ITGA6: variants seen among roughly 807,000 people sequenced by gnomAD.
ITGA6 encodes integrin alpha-6.
A neutral mutation model predicts 133.6 loss-of-function variants in ITGA6; 63 were observed. That is an observed-to-expected ratio of 0.47 (90% CI 0.38 to 0.58). The LOEUF (loss-of-function observed/expected upper bound fraction) is 0.58. Ranked by LOEUF, ITGA6 falls within the 20% of genes least tolerant of loss-of-function variation. The probability of loss-of-function intolerance (pLI) is 0.00; values close to 1 mark genes in which losing one functional copy is unlikely to be tolerated. For missense variants in ITGA6, 1,068 were observed against 1,309.4 expected, an observed-to-expected ratio of 0.82 and a Z score of 2.85; for synonymous variants, 434 against 482.0, an observed-to-expected ratio of 0.90 and a Z score of 1.30.
In ITGA6 at chr2:172,506,078, G is replaced by A. The variant is rs1317788275; in HGVS notation, c.*2010G>A. ...AAATGTCATCTCAAGTCAAGTCACT[G>A]GTCTGTTTGCATTTGATACATTTTT... On this transcript the variant is annotated 3_prime_UTR_variant, in exon 26 of 26. Transcript: ENST00000684293. 1 of 152,534 alleles carries A rather than the reference G, an allele frequency of 6.6e-6. No homozygotes were observed. Among genetic ancestry groups the A allele is most frequent in the Admixed American group, 6.5e-5 (1 of 15,272 alleles). The allele number at this position is 152,534 out of a possible 1,614,324, so 9.4% of individuals were successfully genotyped here.
intron 2 of ITGA6, among the ~76,000 whole-genome samples, chr2:172,467,078 C>T (rs1346145661): frequency 3.9e-5 from 6 of 152,026 alleles, no homozygotes; most frequent in Non-Finnish European, 2.9e-5. Flanking sequence ...TAGAGAAGTA[C>T]CCATTTTTTT....
chr2:172,468,535 T>C (rs1465911145), intron 3 of ITGA6, among the ~76,000 whole-genome samples: 1 of 152,258 alleles, frequency 6.6e-6, no homozygotes, highest in Non-Finnish European at 1.5e-5. Flanking sequence ...ATAGAGATTA[T>C]TTCTGTCTCT....
chr2:172,452,470 C>T (rs1295485424), intron 1 of ITGA6, among the ~76,000 whole-genome samples: 2 of 152,122 alleles, frequency 1.3e-5, no homozygotes, highest in Non-Finnish European at 2.9e-5. Flanking sequence ...GGGCTGGGCA[C>T]GTGCTTTTTG....
rs184641969 is a variant in ITGA6, at chr2:172,471,320, G to C, written c.775+215G>C. On this transcript the variant is annotated intron_variant, in intron 5 of 25. Transcript: ENST00000684293. The stretch of plus-strand genomic sequence containing the variant: ...CCTTCTGACTGGGGCTCCCTCAAAG[G>C]GGGAAGAAACCTCTTATCACCTAAA... Among the ~76,000 whole-genome samples, 128 of 152,284 alleles carry C rather than the reference G, an allele frequency of 8.4e-4. 1 individual carries two copies. The highest frequency in any genetic ancestry group is 2.8e-3 in the African/African-American group (118 of 41,546).
At chr2:172,440,095 T>C (rs1684479350) in intron 1 of ITGA6, among the ~76,000 whole-genome samples, 1 of 152,146 alleles carries the variant, frequency 6.6e-6, no homozygotes, top group Non-Finnish European at 1.5e-5. Context: ...GTGTGGGTGT[T>C]TGCAAATAAG....
Position 172,504,346 on chromosome 2 carries a change from G to A in ITGA6, c.*278G>A. 4.2e-6 allele frequency: 4 copies of A among 957,584 alleles called. No homozygotes were observed. In the African/African-American group the frequency reaches 5.0e-5, roughly 12 times the overall value. The allele number at this position is 957,584 out of a possible 1,614,324, so 59.3% of individuals were successfully genotyped here. On this transcript the variant is annotated 3_prime_UTR_variant, in exon 26 of 26. Coordinates refer to ENST00000684293, the MANE Select transcript of ITGA6 (RefSeq NM_000210.4). ...ATTTAAAAGCCTGCTCAATCCCTGA[G>A]GACTGATTTCAGAGTGACTACACAC...
rs1032065669 is a variant in ITGA6, at chr2:172,469,142, T to C, written c.405T>C (p.Tyr135=). The change falls in exon 4 of 26, where the codon TAT becomes TAC. Residue 135 remains tyrosine, a synonymous_variant. Transcript: ENST00000684293. ...GGKVVTCAHR[Y]EKRQHVNTKQ... Reference sequence around the variant, plus strand: ...GCTTGCAGACATGTGCTCACCGATATGAAAAAAGGCAGCATGTTAATACGA... The same window carrying C: ...GCTTGCAGACATGTGCTCACCGATACGAAAAAAGGCAGCATGTTAATACGA... The C allele has an allele frequency of 6.8e-6, 11 of 1,614,026 alleles. No individual in the cohort carries two copies. The Admixed American group carries it at 8.3e-5, about 12-fold the overall frequency.
Position 172,476,443 on chromosome 2 carries a change from A to G in ITGA6, c.1318A>G (p.Met440Val), listed in dbSNP as rs1686178570. 2.5e-6 allele frequency: 4 copies of G among 1,613,130 alleles called. No homozygotes were observed. The highest frequency in any genetic ancestry group is 1.1e-5 in the South Asian group (1 of 91,070). ...PYFGYSIAGNMDLDRNSYPDV... is the reference protein window; with the variant it reads ...PYFGYSIAGNVDLDRNSYPDV... ...TTTTGGATATTCAATTGCTGGAAAC[A>G]TGGACCTTGATCGAAATTCCTACCC... Residue 440 changes from methionine (M) to valine (V), a missense_variant, in exon 9 of 26, where the codon ATG becomes GTG. Transcript: ENST00000684293.
At chr2:172,460,087 A>C (rs1440519477) in intron 1 of ITGA6, among the ~76,000 whole-genome samples, 1 of 152,350 alleles carries the variant, frequency 6.6e-6, no homozygotes, top group Admixed American at 6.5e-5. Flanking sequence ...TTTGACCTTA[A>C]TGCTAGGAAC....
At chr2:172,500,462 C>T (rs920133051) in intron 24 of ITGA6, among the ~76,000 whole-genome samples, 4 of 152,134 alleles carry the variant, frequency 2.6e-5, no homozygotes, top group African/African-American at 9.7e-5. Flanking sequence ...AACCCCGCGT[C>T]TACTAAATAT....
In ITGA6 at chr2:172,469,399, T is replaced by C. The variant is rs1478120760; in HGVS notation, c.643+19T>C. On this transcript the variant is annotated intron_variant, in intron 4 of 25. Transcript: ENST00000684293. ...TGGAAAGGTATGACCTTTGTATTTA[T>C]AGAAATAGAGATTAGTTCCCCTAAT... 1.2e-6 allele frequency: 2 copies of C among 1,609,976 alleles called. No homozygotes were observed. The highest frequency in any genetic ancestry group is 1.3e-5 in the African/African-American group (1 of 74,848).
intron 1 of ITGA6, among the ~76,000 whole-genome samples, chr2:172,459,287 T>G (rs1393143002): frequency 6.6e-6 from 1 of 152,104 alleles, no homozygotes; most frequent in Non-Finnish European, 1.5e-5. Flanking sequence ...GCGGATCCCT[T>G]GAGGCCAGGA....
chr2:172,473,200 C>A (rs925642548), intron 5 of ITGA6, among the ~76,000 whole-genome samples: 1 of 152,214 alleles, frequency 6.6e-6, no homozygotes, highest in Admixed American at 6.5e-5. Context: ...GCATCTGCCT[C>A]ACCTTTCTAT....
rs894944161 is a variant in ITGA6 at position 172,505,644 on chromosome 2, A to G, written c.*1576A>G. 6.6e-6 allele frequency: 1 copy of G among 152,574 alleles called. No individual in the cohort carries two copies. The highest frequency in any genetic ancestry group is 6.5e-5 in the Admixed American group (1 of 15,272). 9.5% of individuals were successfully genotyped at this position (152,574 alleles called of 1,614,324 possible). On this transcript the variant is annotated 3_prime_UTR_variant, in exon 26 of 26. Coordinates refer to ENST00000684293, the MANE Select transcript of ITGA6 (RefSeq NM_000210.4). ...TGGGGAGCAACAGCAAACAGGTGCT[A>G]ATTTGTTTTGGATATAGTATAAGCA... is the stretch of plus-strand genomic sequence containing the variant.
At position 172,474,219 on chromosome 2, in the gene ITGA6, T is replaced by G; in HGVS notation, c.940T>G (p.Ser314Ala). 1 of 1,614,114 alleles carries G rather than the reference T, an allele frequency of 6.2e-7. No homozygotes were observed. The highest frequency in any genetic ancestry group is 8.5e-7 in the Non-Finnish European group (1 of 1,180,034). The part of the protein sequence containing the change: ...EHIFDGEGLA[S>A]SFGYDVAVVD... ...CATATTCGATGGAGAAGGTCTGGCC[T>G]CTTCATTTGGCTATGATGTGGCGGT... Residue 314 changes from serine to alanine, a missense_variant, in exon 6 of 26, where the codon TCT becomes GCT. By Grantham distance (99) the Ser-to-Ala change is moderately conservative. Transcript: ENST00000684293.
intron 1 of ITGA6, among the ~76,000 whole-genome samples, chr2:172,451,568 A>G (rs1685005947): frequency 6.6e-6 from 1 of 152,028 alleles, no homozygotes; most frequent in South Asian, 2.1e-4. Context: ...AATGTTTACT[A>G]GGCAATTGAA....
intron 3 of ITGA6, among the ~76,000 whole-genome samples, chr2:172,468,662 G>T (rs1685785908): frequency 6.6e-6 from 1 of 152,184 alleles, no homozygotes; most frequent in African/African-American, 2.4e-5. Flanking sequence ...AAAAGGAAAT[G>T]TCTTTGTTTT....
At chr2:172,495,371 T>A (rs1390737827) in intron 23 of ITGA6, 2 of 152,218 alleles carry the variant, frequency 1.3e-5, no homozygotes, top group Non-Finnish European at 2.9e-5. Flanking sequence ...TAGTTTCTAC[T>A]CACCTGTTCA....
Position 172,505,193 on chromosome 2 carries a change from T to G in ITGA6, c.*1125T>G, listed in dbSNP as rs922662111. ...AGATGTTTATTTCAGGCATTGGATA[T>G]TTTTTACTTTAGAAGCCTGCATAAT... On this transcript the variant is annotated 3_prime_UTR_variant, in exon 26 of 26. Coordinates refer to ENST00000684293, the MANE Select transcript of ITGA6 (RefSeq NM_000210.4). 1 of 152,572 alleles carries G rather than the reference T, an allele frequency of 6.6e-6. No homozygotes were observed. Among genetic ancestry groups the G allele is most frequent in the South Asian group, 2.1e-4 (1 of 4,836 alleles). The allele number at this position is 152,572 out of a possible 1,614,324, so 9.5% of individuals were successfully genotyped here. A position where few individuals can be genotyped will look rare whatever the true frequency, so the allele number is the denominator to read the frequency against.
Sources: gnomAD v4.1 joint callset for allele counts (sites outside exome capture counted in the v4.1 genomes callset) on GRCh38, gnomAD v4.1.1 for gene constraint, MANE v1.5 for transcripts, NCBI Gene and HGNC (gene_info 2026-07-23, HGNC 2026-07-21) for gene names.